Variants in TTL observed in about 807,000 individuals in gnomAD.
TTL encodes tubulin tyrosine ligase.
A neutral mutation model predicts 41.1 loss-of-function variants in TTL; 10 were observed. The observed-to-expected ratio is 0.24, with a 90% CI of 0.15 to 0.41. TTL has a LOEUF of 0.41. Ranked by LOEUF, TTL falls within the 10% of genes least tolerant of loss-of-function variation. The probability of loss-of-function intolerance (pLI) is 1.00; values close to 1 mark genes in which losing one functional copy is unlikely to be tolerated. For missense variants in TTL, 367 were observed against 460.4 expected (o/e 0.80, Z 1.86); for synonymous variants, 175 against 175.5 (o/e 1.00, Z 0.02).
At chr2:112,525,852 C>T (rs1682358010) in intron 6 of TTL, among the ~76,000 whole-genome samples, 2 of 152,160 alleles carry the variant, frequency 1.3e-5, no homozygotes, top group Non-Finnish European at 1.5e-5. Flanking sequence ...AGAGGGCATC[C>T]CTGTCTTGTG....
In TTL at chr2:112,491,315, A is replaced by G. The variant is rs900673020; in HGVS notation, c.237-2828A>G. 3.3e-5 allele frequency among the ~76,000 whole-genome samples: 5 copies of G among 152,164 alleles called. No individual in the cohort carries two copies. The South Asian group carries it at 1.0e-3, about 31-fold the overall frequency. ...TGAGTTTGATATTTTTTAAGCTGCA[A>G]TTTGACAGCATTTTATCATACATTT... is the stretch of plus-strand genomic sequence containing the variant. On this transcript the variant is annotated intron_variant, in intron 2 of 6. Coordinates refer to ENST00000233336, the MANE Select transcript of TTL (RefSeq NM_153712.5).
At chr2:112,495,837 C>T (rs1300800565) in intron 3 of TTL, among the ~76,000 whole-genome samples, 1 of 148,078 alleles carries the variant, frequency 6.8e-6, no homozygotes, top group African/African-American at 2.5e-5. Context: ...AAGACTCCTT[C>T]TCAAAAATTA....
intron 6 of TTL, chr2:112,522,652 C>A: frequency 6.5e-6 from 1 of 152,734 alleles, no homozygotes. Context: ...CTGCACCTGC[C>A]TTCCCTGCCA....
chr2:112,486,267 G>T (rs867070106), intron 2 of TTL, among the ~76,000 whole-genome samples: 1 of 152,162 alleles, frequency 6.6e-6, no homozygotes, highest in Non-Finnish European at 1.5e-5. Flanking sequence ...GACAGCCATC[G>T]GGAAGCAAGG....
chr2:112,484,651 C>T (rs1235118931), intron 1 of TTL, among the ~76,000 whole-genome samples: 1 of 152,064 alleles, frequency 6.6e-6, no homozygotes, highest in Non-Finnish European at 1.5e-5. Context: ...TTACCTTTTG[C>T]TTAAAGTGTA....
At chr2:112,527,535 T>C (rs1200583147) in intron 6 of TTL, among the ~76,000 whole-genome samples, 1 of 152,320 alleles carries the variant, frequency 6.6e-6, no homozygotes, top group African/African-American at 2.4e-5. Flanking sequence ...AGTTAGCTCT[T>C]TTGTTGAATT....
intron 2 of TTL, among the ~76,000 whole-genome samples, chr2:112,493,089 G>C (rs917834537): frequency 1.3e-5 from 2 of 152,108 alleles, no homozygotes; most frequent in Admixed American, 1.3e-4. Context: ...TAGCTTTTCA[G>C]TTCTTTCCCT....
At chr2:112,488,495 C>T (rs1385409110) in intron 2 of TTL, among the ~76,000 whole-genome samples, 2 of 152,142 alleles carry the variant, frequency 1.3e-5, no homozygotes, top group African/African-American at 4.8e-5. Flanking sequence ...TGGTGGCTCA[C>T]GCCTGTAATC....
Position 112,539,842 on chromosome 2 carries a change from A to T in TTL, c.*11047A>T, listed in dbSNP as rs1282081293. 2 of 152,224 alleles carry T rather than the reference A, an allele frequency of 1.3e-5. No individual in the cohort carries two copies. Among genetic ancestry groups the T allele is most frequent in the African/African-American group, 4.8e-5 (2 of 41,458 alleles). 9.4% of individuals were successfully genotyped at this position (152,224 alleles called of 1,614,324 possible). On this transcript the variant is annotated 3_prime_UTR_variant, in exon 7 of 7. Coordinates refer to ENST00000233336, the MANE Select transcript of TTL (RefSeq NM_153712.5). Reference sequence around the variant, plus strand: ...GTTTAGCAAGATTGCCAGACACAAGATCAATATACAAAACTCAATGGTATT... The same window carrying T: ...GTTTAGCAAGATTGCCAGACACAAGTTCAATATACAAAACTCAATGGTATT...
At chr2:112,518,962 A>C (rs71414672) in intron 5 of TTL, among the ~76,000 whole-genome samples, 15,884 of 152,170 alleles carry the variant, frequency 0.1, 1,026 homozygotes, top group South Asian at 0.15. Context: ...GGCGTGAGCC[A>C]CCGCGCCCGG....
At chr2:112,516,590 C>T (rs1239142659) in intron 5 of TTL, among the ~76,000 whole-genome samples, 2 of 152,176 alleles carry the variant, frequency 1.3e-5, no homozygotes, top group Non-Finnish European at 2.9e-5. Context: ...AGGAGAATTG[C>T]TTGAACCCGG....
Position 112,496,649 on chromosome 2 carries a change from T to TTA in TTL, c.469+2284_469+2285dup, listed in dbSNP as rs1187994804. ...TCTTTTTTAATTTTAATTTTTTATTTTATATATATATGTGTCTGTGTGTGT... is the reference window on the plus strand; with the variant it reads ...TCTTTTTTAATTTTAATTTTTTATTTTATATATATATATGTGTCTGTGTGTGT... On this transcript the variant is annotated intron_variant, in intron 3 of 6. Coordinates refer to ENST00000233336, the MANE Select transcript of TTL (RefSeq NM_153712.5). 7.3e-5 allele frequency among the ~76,000 whole-genome samples: 11 copies of TTA among 149,916 alleles called. No homozygotes were observed. The East Asian group carries it at 7.9e-4, about 11-fold the overall frequency.
intron 6 of TTL, among the ~76,000 whole-genome samples, chr2:112,520,895 G>A (rs1275004959): frequency 6.6e-6 from 1 of 152,184 alleles, no homozygotes; most frequent in Non-Finnish European, 1.5e-5. Flanking sequence ...TGCAGCCTGG[G>A]CGACAGAGAG....
chr2:112,486,125 T>C, intron 2 of TTL, 130 bp downstream of exon 2: 1 of 886,470 alleles, frequency 1.1e-6, no homozygotes, highest in Non-Finnish European at 1.7e-6. Context: ...AAGCTTCCTC[T>C]AAGCCGCTTT....
Position 112,529,232 on chromosome 2 carries a change from C to T in TTL, c.*437C>T, listed in dbSNP as rs553096024. ...CCTGTGTGTTCCCCACCCATCCCTT[C>T]GGTAACACTCTGCCACACTAAGCTC... On this transcript the variant is annotated 3_prime_UTR_variant, in exon 7 of 7. Coordinates refer to ENST00000233336, the MANE Select transcript of TTL (RefSeq NM_153712.5). 20 of 281,198 alleles carry T rather than the reference C, an allele frequency of 7.1e-5. No homozygotes were observed. Among genetic ancestry groups the T allele is most frequent in the African/African-American group, 2.3e-4 (11 of 47,228 alleles). The allele number at this position is 281,198 out of a possible 1,614,324, so 17.4% of individuals were successfully genotyped here. A position where few individuals can be genotyped will look rare whatever the true frequency, so the allele number is the denominator to read the frequency against.
chr2:112,531,795 T>C lies in TTL; in HGVS notation c.*3000T>C, dbSNP rs1682515933. ...GTGTTGTCTAAGCAGTTTCTCTGTT[T>C]GCTTGTCATAGCAGCATTTGGAAAC... On this transcript the variant is annotated 3_prime_UTR_variant, in exon 7 of 7. Transcript: ENST00000233336. 1 of 224,418 alleles carries C rather than the reference T, an allele frequency of 4.5e-6. No homozygotes were observed. The highest frequency in any genetic ancestry group is 8.9e-6 in the Non-Finnish European group (1 of 112,588). 13.9% of individuals were successfully genotyped at this position (224,418 alleles called of 1,614,324 possible). A position where few individuals can be genotyped will look rare whatever the true frequency, so the allele number is the denominator to read the frequency against.
In TTL at chr2:112,528,948, A is replaced by G; in HGVS notation, c.*153A>G. 1 of 660,306 alleles carries G rather than the reference A, an allele frequency of 1.5e-6. No homozygotes were observed. The highest frequency in any genetic ancestry group is 2.7e-6 in the Non-Finnish European group (1 of 370,386). The allele number at this position is 660,306 out of a possible 1,614,324, so 40.9% of individuals were successfully genotyped here. On this transcript the variant is annotated 3_prime_UTR_variant, in exon 7 of 7. Transcript: ENST00000233336. ...AAGAAGGCACGTGAGCAGAGGAGGC[A>G]GCTCCCAAAGAGAGGGCTGCTCAGG... is the stretch of plus-strand genomic sequence containing the variant.
intron 6 of TTL, among the ~76,000 whole-genome samples, chr2:112,524,944 A>G (rs114598434): frequency 0.011 from 1,642 of 152,298 alleles, 29 homozygotes; most frequent in African/African-American, 0.031. Flanking sequence ...TAAGTCATTA[A>G]TGCGTCCTGA....
At chr2:112,513,564 A>C (rs1681982438) in intron 5 of TTL, among the ~76,000 whole-genome samples, 1 of 150,764 alleles carries the variant, frequency 6.6e-6, no homozygotes, top group Non-Finnish European at 1.5e-5. Flanking sequence ...GATTTATACA[A>C]ATATACATAT....
Sources: gnomAD v4.1 joint callset for allele counts (sites outside exome capture counted in the v4.1 genomes callset) on GRCh38, gnomAD v4.1.1 for gene constraint, MANE v1.5 for transcripts, NCBI Gene and HGNC (gene_info 2026-07-23, HGNC 2026-07-21) for gene names.